The following LRBA variants were observed in gnomAD, a reference collection of about 807,000 sequenced individuals.
LRBA encodes LPS responsive beige-like anchor protein.
A neutral mutation model predicts 330.0 loss-of-function variants in LRBA; 176 were observed. The ratio of observed to expected loss-of-function variants is 0.53; its 90% CI spans 0.47 to 0.60. The LOEUF (loss-of-function observed/expected upper bound fraction) is 0.60, where lower values mean the gene tolerates loss of function less well. LRBA is among the 20% of genes least tolerant of loss of function. The pLI is 0.00. For synonymous variants in LRBA, 1,230 were observed against 1,193.0 expected (o/e 1.03, Z -0.64); for missense variants, 3,259 against 3,444.8 (o/e 0.95, Z 1.35).
At chr4:150,434,708 T>C (rs1750874249) in intron 46 of LRBA, among the ~76,000 whole-genome samples, 1 of 151,806 alleles carries the variant, frequency 6.6e-6, no homozygotes, top group Admixed American at 6.6e-5. Flanking sequence ...AAAATTAGCC[T>C]AGCGTGGTGG....
chr4:150,647,753 T>C lies in LRBA; in HGVS notation c.5921+35798A>G, dbSNP rs555791571. Among the ~76,000 whole-genome samples the C allele has an allele frequency of 1.4e-4, 21 of 152,170 alleles. No individual in the cohort carries two copies. In the South Asian group the frequency reaches 3.7e-3, roughly 27 times the overall value. ...CCTTAAAGATGTGATGCTGAATTGT[T>C]TTCCTGGCACCACACTCTCAGCCTA... On this transcript the variant is annotated intron_variant, in intron 37 of 56. Coordinates refer to ENST00000651943, the MANE Select transcript of LRBA (RefSeq NM_001364905.1).
chr4:150,787,901 C>T (rs569389227), intron 34 of LRBA, among the ~76,000 whole-genome samples: 44 of 152,296 alleles, frequency 2.9e-4, no homozygotes, highest in Admixed American at 2.1e-3. Context: ...GCAACAAACA[C>T]GGAAGCGCAA....
chr4:150,608,974 A>G (rs1774953851), intron 37 of LRBA, among the ~76,000 whole-genome samples: 3 of 152,206 alleles, frequency 2.0e-5, no homozygotes, highest in Non-Finnish European at 4.4e-5. Flanking sequence ...CATTGTGTAG[A>G]TACGCTGCAT....
chr4:151,009,959 G>C (rs1210938122), intron 2 of LRBA, among the ~76,000 whole-genome samples: 3 of 151,976 alleles, frequency 2.0e-5, no homozygotes, highest in East Asian at 1.9e-4. Flanking sequence ...CAGCATGGGG[G>C]ACAGAGTGAG....
chr4:150,734,773 T>A (rs531418818), intron 36 of LRBA, among the ~76,000 whole-genome samples: 5 of 152,222 alleles, frequency 3.3e-5, no homozygotes, highest in African/African-American at 1.2e-4. Flanking sequence ...AGGAGAGAGG[T>A]GTGTGCTCCC....
intron 36 of LRBA, among the ~76,000 whole-genome samples, chr4:150,726,087 G>C (rs1029907766): frequency 2.0e-5 from 3 of 152,062 alleles, no homozygotes; most frequent in Non-Finnish European, 4.4e-5. Context: ...AAAAGGAAGA[G>C]AAGTCTGCAA....
At chr4:150,639,847 A>C (rs866008788) in intron 37 of LRBA, among the ~76,000 whole-genome samples, 1 of 66,766 alleles carries the variant, frequency 1.5e-5, no homozygotes, top group African/African-American at 6.0e-5. Flanking sequence ...ATATATATAT[A>C]TATATATATA....
At position 150,868,239 on chromosome 4, in the gene LRBA, C is replaced by A. The variant is rs1022511990; in HGVS notation, c.2516G>T (p.Arg839Leu). 3 of 1,612,204 alleles carry A rather than the reference C, an allele frequency of 1.9e-6. No homozygotes were observed. Among genetic ancestry groups the A allele is most frequent in the Admixed American group, 3.3e-5 (2 of 59,970 alleles). Reference sequence around the variant, plus strand: ...AATCATGTCAGAAAGAAAGGCTCTGCGAACCTCCATGCTCTCTGGGCACTG... The same window carrying A: ...AATCATGTCAGAAAGAAAGGCTCTGAGAACCTCCATGCTCTCTGGGCACTG... ...SPQCPESMEV[R>L]RAFLSDMIKL... The change falls in exon 21 of 57, where the codon CGC (arginine) becomes CTC (leucine). Residue 839 changes from arginine to leucine, a missense_variant. Arg to Leu is a moderately radical substitution (Grantham distance 102). Transcript: ENST00000651943.
intron 28 of LRBA, among the ~76,000 whole-genome samples, chr4:150,839,884 TAAAA>T (rs561470627): frequency 1.4e-5 from 2 of 144,086 alleles, no homozygotes; most frequent in Non-Finnish European, 3.1e-5. Context: ...CTTAAAGTAT[TAAAA>T]AAAAAAAAAG....
chr4:150,648,418 A>G (rs929227246), intron 37 of LRBA, among the ~76,000 whole-genome samples: 3 of 151,886 alleles, frequency 2.0e-5, no homozygotes, highest in African/African-American at 7.3e-5. Flanking sequence ...AAAAAAAGAG[A>G]GACTATGCAG....
chr4:150,887,827 A>G (rs556991752), intron 17 of LRBA, among the ~76,000 whole-genome samples: 1 of 151,558 alleles, frequency 6.6e-6, no homozygotes, highest in South Asian at 2.1e-4. Flanking sequence ...CAAATTTGGT[A>G]GTAATCACAA....
In LRBA at chr4:150,929,074, G is replaced by GA. The variant is rs766044503; in HGVS notation, c.217-10dup. 0.14 allele frequency: 145,924 copies of GA among 1,046,182 alleles called. 955 individuals carry two copies. The highest frequency in any genetic ancestry group is 0.24 in the African/African-American group (13,971 of 59,100). 64.8% of individuals were successfully genotyped at this position (1,046,182 alleles called of 1,614,324 possible). ...AACTGTCCTCCTACCAACTTACAAG[G>GA]AAAAAAAAAAAACACATTAAAAGCA... On this transcript the variant is annotated splice_polypyrimidine_tract_variant and intron_variant, in intron 2 of 56. Coordinates refer to ENST00000651943, the MANE Select transcript of LRBA (RefSeq NM_001364905.1).
At chr4:150,917,803 C>T (rs1208728567) in intron 5 of LRBA, among the ~76,000 whole-genome samples, 1 of 151,926 alleles carries the variant, frequency 6.6e-6, no homozygotes, top group Non-Finnish European at 1.5e-5. Context: ...GTGGTGGGTG[C>T]CTGTAATCCC....
intron 2 of LRBA, among the ~76,000 whole-genome samples, chr4:150,977,753 T>G (rs1740360158): frequency 6.6e-6 from 1 of 152,206 alleles, no homozygotes; most frequent in East Asian, 1.9e-4. Context: ...ACATTGGCAG[T>G]AACCTGGCAG....
Position 150,569,912 on chromosome 4 carries a change from T to C in LRBA, c.6330+18136A>G, listed in dbSNP as rs554424083. ...TATCTAAATTGAGACTAACCATATT[T>C]GCTGCAGCTTCTCATTAAACATTAA... On this transcript the variant is annotated intron_variant, in intron 40 of 56. Coordinates refer to ENST00000651943, the MANE Select transcript of LRBA (RefSeq NM_001364905.1). 4.9e-4 allele frequency among the ~76,000 whole-genome samples: 75 copies of C among 152,262 alleles called. No homozygotes were observed. In the South Asian group the frequency reaches 0.015, roughly 30 times the overall value.
At chr4:150,619,150 T>G (rs1256119065) in intron 37 of LRBA, among the ~76,000 whole-genome samples, 1 of 152,142 alleles carries the variant, frequency 6.6e-6, no homozygotes. Flanking sequence ...TTAAATACCT[T>G]ATGGTTTCAT....
chr4:150,691,017 C>T (rs1784087875), intron 36 of LRBA, among the ~76,000 whole-genome samples: 1 of 151,064 alleles, frequency 6.6e-6, no homozygotes, highest in South Asian at 2.1e-4. Flanking sequence ...GTAAGCTCCG[C>T]CTCCCAGGTT....
chr4:150,720,094 G>A (rs1272785704), intron 36 of LRBA, among the ~76,000 whole-genome samples: 4 of 152,098 alleles, frequency 2.6e-5, no homozygotes, highest in Non-Finnish European at 4.4e-5. Context: ...GGAAATATTA[G>A]CTTTACACAG....
At chr4:150,651,624 A>G (rs967533216) in intron 37 of LRBA, among the ~76,000 whole-genome samples, 1 of 152,154 alleles carries the variant, frequency 6.6e-6, no homozygotes, top group Admixed American at 6.6e-5. Context: ...TAACTGTATC[A>G]GAGCACCCAG....
Sources: allele counts gnomAD v4.1 joint callset (sites outside exome capture counted in the v4.1 genomes callset), GRCh38; gene constraint gnomAD v4.1.1; transcripts MANE v1.5; gene names NCBI Gene and HGNC (gene_info 2026-07-23, HGNC 2026-07-21).